CEACAM5: variants seen among roughly 807,000 people sequenced by gnomAD.
CEACAM5 encodes the protein CEA cell adhesion molecule 5.
In CEACAM5, 52 loss-of-function variants were observed where a neutral mutation model predicts 63.0. That is an observed-to-expected ratio of 0.83 (90% CI 0.66 to 1.04). The LOEUF (loss-of-function observed/expected upper bound fraction) is 1.04. CEACAM5 is among the 50% of genes least tolerant of loss of function. The pLI is 0.00. For missense variants in CEACAM5, 790 were observed against 864.8 expected (o/e 0.91, Z 1.08); for synonymous variants, 357 against 351.3 (o/e 1.02, Z -0.18).
At chr19:41,713,112 C>T (rs1406035997) in intron 2 of CEACAM5, among the ~76,000 whole-genome samples, 9 of 152,148 alleles carry the variant, frequency 5.9e-5, no homozygotes, top group Non-Finnish European at 1.2e-4. Context: ...CAAGACCATC[C>T]TGGCCAACAT....
intron 8 of CEACAM5, among the ~76,000 whole-genome samples, chr19:41,722,556 A>G (rs2072639703): frequency 6.6e-6 from 1 of 152,124 alleles, no homozygotes; most frequent in Non-Finnish European, 1.5e-5. Context: ...GTAATCAACT[A>G]TTCTAACGAT....
chr19:41,709,090 C>G (rs1247901288), intron 1 of CEACAM5, among the ~76,000 whole-genome samples: 1 of 152,242 alleles, frequency 6.6e-6, no homozygotes, highest in Non-Finnish European at 1.5e-5. Flanking sequence ...GCATGAAACA[C>G]TGTCCTCATC....
chr19:41,711,099 G>C (rs985749706), intron 2 of CEACAM5, among the ~76,000 whole-genome samples: 11 of 152,164 alleles, frequency 7.2e-5, no homozygotes, highest in African/African-American at 2.4e-4. Context: ...GACCAGTCAT[G>C]GGCTTGCGTT....
Position 41,715,687 on chromosome 19 carries a change from A to G in CEACAM5, c.741A>G (p.Thr247=), listed in dbSNP as rs1555814897. ...CCCCCACCATTTCCCCTCTAAACACATCTTACAGATCAGGGGAAAATCTGA... is the reference window on the plus strand; with the variant it reads ...CCCCCACCATTTCCCCTCTAAACACGTCTTACAGATCAGGGGAAAATCTGA... The part of the protein sequence containing the change: ...PDAPTISPLN[T]SYRSGENLNL... The change falls in exon 4 of 10, where the codon ACA becomes ACG. Residue 247 remains threonine, a synonymous_variant. Coordinates refer to ENST00000221992, the MANE Select transcript of CEACAM5 (RefSeq NM_004363.6). 1 of 1,614,130 alleles carries G rather than the reference A, an allele frequency of 6.2e-7. No individual in the cohort carries two copies. The highest frequency in any genetic ancestry group is 2.2e-5 in the East Asian group (1 of 44,868).
chr19:41,728,570 G>A (rs1401913131), intron 9 of CEACAM5, among the ~76,000 whole-genome samples: 4 of 152,130 alleles, frequency 2.6e-5, no homozygotes, highest in Admixed American at 1.3e-4. Flanking sequence ...CAAGGCGGAC[G>A]GATCAGGAGT....
intron 2 of CEACAM5, among the ~76,000 whole-genome samples, chr19:41,713,065 G>A (rs1287267889): frequency 2.6e-5 from 4 of 152,154 alleles, no homozygotes; most frequent in Non-Finnish European, 4.4e-5. Context: ...CCAGCACTTC[G>A]GGAGGCCAAG....
Position 41,711,833 on chromosome 19 carries a change from G to C in CEACAM5, c.424+1794G>C, listed in dbSNP as rs570228147. Among the ~76,000 whole-genome samples, 7 of 152,048 alleles carry C rather than the reference G, an allele frequency of 4.6e-5. No homozygotes were observed. In the South Asian group the frequency reaches 6.2e-4, roughly 14 times the overall value. ...TTCCCCAGACACTCCCTTGAACAAG[G>C]CTGGCTGTCCTGTTTTCTTGCCGCT... On this transcript the variant is annotated intron_variant, in intron 2 of 9. Coordinates refer to ENST00000221992, the MANE Select transcript of CEACAM5 (RefSeq NM_004363.6).
At position 41,709,895 on chromosome 19, in the gene CEACAM5, G is replaced by A. The variant is rs782417451; in HGVS notation, c.280G>A (p.Ala94Thr). The A allele has an allele frequency of 8.7e-6, 14 of 1,614,060 alleles. No homozygotes were observed. In the Admixed American group the frequency reaches 1.0e-4, roughly 12 times the overall value. The change falls in exon 2 of 10, where the codon GCA becomes ACA. Residue 94 changes from alanine to threonine, a missense_variant. Physicochemically the swap from Ala to Thr is moderately conservative, Grantham distance 58. Coordinates refer to ENST00000221992, the MANE Select transcript of CEACAM5 (RefSeq NM_004363.6). ...AACTCAACAAGCTACCCCAGGGCCCGCATACAGTGGTCGAGAGATAATATA... is the reference window on the plus strand; with the variant it reads ...AACTCAACAAGCTACCCCAGGGCCCACATACAGTGGTCGAGAGATAATATA... ...IGTQQATPGP[A>T]YSGREIIYPN...
Position 41,715,233 on chromosome 19 carries a change from C to G in CEACAM5, c.687C>G (p.Val229=), listed in dbSNP as rs960514834. ...TGAGTGCCAGGCGCAGTGATTCAGT[C>G]ATCCTGAATGTCCTCTGTGAGTATA... ...NPVSARRSDS[V]ILNVLYGPDA... Residue 229 remains valine (V), a synonymous_variant, in exon 3 of 10, where the codon GTC becomes GTG. Coordinates refer to ENST00000221992, the MANE Select transcript of CEACAM5 (RefSeq NM_004363.6). The G allele has an allele frequency of 1.9e-5, 30 of 1,614,114 alleles. No homozygotes were observed. The highest frequency in any genetic ancestry group is 2.5e-5 in the Non-Finnish European group (30 of 1,180,046).
At position 41,709,882 on chromosome 19, in the gene CEACAM5, T is replaced by C; in HGVS notation, c.267T>C (p.Ala89=). Reference sequence around the variant, plus strand: ...GATATGTAATAGGAACTCAACAAGCTACCCCAGGGCCCGCATACAGTGGTC... The same window carrying C: ...GATATGTAATAGGAACTCAACAAGCCACCCCAGGGCCCGCATACAGTGGTC... ...IIGYVIGTQQ[A]TPGPAYSGRE... The change falls in exon 2 of 10, where the codon GCT becomes GCC. Residue 89 remains alanine, a synonymous_variant. Coordinates refer to ENST00000221992, the MANE Select transcript of CEACAM5 (RefSeq NM_004363.6). 1 of 1,614,062 alleles carries C rather than the reference T, an allele frequency of 6.2e-7. No homozygotes were observed. The highest frequency in any genetic ancestry group is 8.5e-7 in the Non-Finnish European group (1 of 1,179,992).
At chr19:41,711,947 G>T (rs1408832044) in intron 2 of CEACAM5, among the ~76,000 whole-genome samples, 2 of 152,124 alleles carry the variant, frequency 1.3e-5, no homozygotes, top group Non-Finnish European at 2.9e-5. Context: ...CCCCTGCCAG[G>T]CTCCATCACA....
chr19:41,722,235 GT>G (rs575123089), intron 8 of CEACAM5, among the ~76,000 whole-genome samples: 181 of 151,738 alleles, frequency 1.2e-3, no homozygotes, highest in African/African-American at 4.3e-3. Context: ...ATGGTGGTGG[GT>G]GCCTGTAATC....
intron 6 of CEACAM5, 81 bp downstream of exon 6, chr19:41,718,463 T>C: frequency 6.5e-7 from 1 of 1,532,580 alleles, no homozygotes; most frequent in East Asian, 2.3e-5. Context: ...GGAAGAAATT[T>C]TCTTTCCTAG....
rs61735249 is a variant in CEACAM5, at chr19:41,720,199, G to A, written c.1762G>A (p.Asp588Asn). 9.9e-4 allele frequency: 1,592 copies of A among 1,613,786 alleles called. 11 individuals carry two copies. In the African/African-American group the frequency reaches 0.017, roughly 18 times the overall value. The change falls in exon 7 of 10, where the codon GAT becomes AAT. Residue 588 changes from aspartate to asparagine, a missense_variant. Transcript: ENST00000221992. ...SANRSDPVTL[D>N]VLYGPDTPII... ...AAACCGCAGTGACCCAGTCACCCTG[G>A]ATGTCCTCTGTGAGTATCTTCTGTT...
chr19:41,713,792 C>T (rs1277121438), intron 2 of CEACAM5, among the ~76,000 whole-genome samples: 8 of 152,224 alleles, frequency 5.3e-5, no homozygotes, highest in African/African-American at 1.7e-4. Flanking sequence ...TCCTTGAGGG[C>T]CAGATTTCCA....
chr19:41,726,154 A>G (rs1035519348), intron 8 of CEACAM5, among the ~76,000 whole-genome samples: 14 of 152,250 alleles, frequency 9.2e-5, no homozygotes, highest in African/African-American at 3.1e-4. Flanking sequence ...AACTTCATAA[A>G]TATTAGCTGC....
At chr19:41,721,238 A>G in intron 8 of CEACAM5, 62 bp downstream of exon 8, 2 of 1,569,434 alleles carry the variant, frequency 1.3e-6, no homozygotes, top group South Asian at 2.3e-5. Flanking sequence ...GGTTCTCACC[A>G]AAGAGCCAAG....
Position 41,720,190 on chromosome 19 carries a change from G to C in CEACAM5, c.1753G>C (p.Val585Leu). Reference sequence around the variant, plus strand: ...AGTGAGTGCAAACCGCAGTGACCCAGTCACCCTGGATGTCCTCTGTGAGTA... The same window carrying C: ...AGTGAGTGCAAACCGCAGTGACCCACTCACCCTGGATGTCCTCTGTGAGTA... ...NSVSANRSDP[V>L]TLDVLYGPDT... The change falls in exon 7 of 10, where the codon GTC (valine) becomes CTC (leucine). Residue 585 changes from valine to leucine, a missense_variant. By Grantham distance (32) the Val-to-Leu change is conservative. Transcript: ENST00000221992. 1 of 1,614,156 alleles carries C rather than the reference G, an allele frequency of 6.2e-7. No individual in the cohort carries two copies.
chr19:41,724,383 AT>A (rs1390718017), intron 8 of CEACAM5, among the ~76,000 whole-genome samples: 2 of 152,340 alleles, frequency 1.3e-5, no homozygotes, highest in African/African-American at 4.8e-5. Flanking sequence ...TTTATAGCAA[AT>A]GCTGAAATCA....
Sources: allele counts gnomAD v4.1 joint callset (sites outside exome capture counted in the v4.1 genomes callset), GRCh38; gene constraint gnomAD v4.1.1; transcripts MANE v1.5; gene names NCBI Gene and HGNC (gene_info 2026-07-23, HGNC 2026-07-21).